Variants in GTPBP10 observed in about 807,000 individuals in gnomAD.
GTPBP10 encodes GTP binding protein 10.
GTPBP10 carries 38 observed loss-of-function variants against 44.8 expected under a neutral mutation model. That is an observed-to-expected ratio of 0.85 (90% CI 0.65 to 1.11). The LOEUF is 1.11. GTPBP10 is among the 50% of genes most tolerant of loss of function. The pLI is 0.00. For missense variants in GTPBP10, 462 were observed against 453.7 expected, an observed-to-expected ratio of 1.02 and a Z score of -0.17; for synonymous variants, 152 against 150.6, an observed-to-expected ratio of 1.01 and a Z score of -0.07.
chr7:90,354,789 T>C (rs1795862475), intron 3 of GTPBP10, among the ~76,000 whole-genome samples: 1 of 152,172 alleles, frequency 6.6e-6, no homozygotes, highest in South Asian at 2.1e-4. Context: ...TTCAATTGTT[T>C]ACTGAAGTGT....
chr7:90,366,142 G>A (rs959365835), intron 4 of GTPBP10, among the ~76,000 whole-genome samples: 1 of 152,152 alleles, frequency 6.6e-6, no homozygotes, highest in East Asian at 1.9e-4. Flanking sequence ...TAAGCTTTTT[G>A]ATGTGCTGCT....
intron 4 of GTPBP10, among the ~76,000 whole-genome samples, chr7:90,358,915 G>A (rs780053655): frequency 2.0e-5 from 3 of 151,976 alleles, no homozygotes; most frequent in Non-Finnish European, 2.9e-5. Context: ...AAACAATTCC[G>A]TTAAAAAGTG....
At chr7:90,383,601 T>A (rs1796469897) in intron 9 of GTPBP10, 1 of 152,228 alleles carries the variant, frequency 6.6e-6, no homozygotes, top group African/African-American at 2.4e-5. Context: ...TAATAGAAGC[T>A]GTGACTCCAA....
In GTPBP10 at chr7:90,387,076, C is replaced by T. The variant is rs1314103373; in HGVS notation, c.*1922C>T. ...TCAGGCCAGGCACGGTGGGTCACGC[C>T]TGTTAATCTCAGCACTTTGGGAGGC... On this transcript the variant is annotated 3_prime_UTR_variant, in exon 10 of 10. Transcript: ENST00000222511. The T allele has an allele frequency of 2.0e-5, 3 of 152,070 alleles. No individual in the cohort carries two copies. The highest frequency in any genetic ancestry group is 7.2e-5 in the African/African-American group (3 of 41,396). 9.4% of individuals were successfully genotyped at this position (152,070 alleles called of 1,614,324 possible).
intron 4 of GTPBP10, among the ~76,000 whole-genome samples, chr7:90,360,828 G>A (rs1489997797): frequency 6.6e-6 from 1 of 152,124 alleles, no homozygotes; most frequent in Non-Finnish European, 1.5e-5. Context: ...GCAGTGGTTT[G>A]TGGTTCTTGA....
chr7:90,380,372 C>G (rs1445447847), intron 8 of GTPBP10, among the ~76,000 whole-genome samples: 2 of 152,104 alleles, frequency 1.3e-5, no homozygotes, highest in Non-Finnish European at 2.9e-5. Context: ...GCCACCATGC[C>G]CAGCTGGAAA....
intron 1 of GTPBP10, among the ~76,000 whole-genome samples, chr7:90,350,573 T>G (rs1795772089): frequency 6.6e-6 from 1 of 152,212 alleles, no homozygotes; most frequent in South Asian, 2.1e-4. Flanking sequence ...TCCTTTTGCT[T>G]TTAAGTTGTC....
At chr7:90,363,942 G>C (rs146630345) in intron 4 of GTPBP10, among the ~76,000 whole-genome samples, 69 of 152,292 alleles carry the variant, frequency 4.5e-4, no homozygotes, top group Non-Finnish European at 6.5e-4. Context: ...ACTGAAGCTT[G>C]TGCATTCGTC....
rs975501262 is a variant in GTPBP10 at position 90,346,873 on chromosome 7, T to C, written c.33+99T>C. The C allele has an allele frequency of 5.1e-6, 7 of 1,365,116 alleles. No homozygotes were observed. The African/African-American group carries it at 8.6e-5, about 17-fold the overall frequency. The allele number at this position is 1,365,116 out of a possible 1,614,324, so 84.6% of individuals were successfully genotyped here. A position where few individuals can be genotyped will look rare whatever the true frequency, so the allele number is the denominator to read the frequency against. ...CACTACTGTCTTCGTGGCGGCCTTT[T>C]CCTTGCTTGGTTTTCCCATAGACTT... On this transcript the variant is annotated intron_variant, in intron 1 of 9. Coordinates refer to ENST00000222511, the MANE Select transcript of GTPBP10 (RefSeq NM_033107.4).
Position 90,352,979 on chromosome 7 carries a change from G to T in GTPBP10, c.197G>T (p.Arg66Leu), listed in dbSNP as rs1562953330. The change falls in exon 2 of 10, where the codon CGG becomes CTG. Residue 66 changes from arginine to leucine, a missense_variant. Physicochemically the swap from Arg to Leu is moderately radical, Grantham distance 102. Transcript: ENST00000222511. ...CTTAAAGACAGGTATCCTCGGAAAC[G>T]GTTTGTGGCTGGAGTAGGAGCAAAC... is the stretch of plus-strand genomic sequence containing the variant. The part of the protein sequence containing the change: ...KQLKDRYPRK[R>L]FVAGVGANSK... 1 of 1,607,624 alleles carries T rather than the reference G, an allele frequency of 6.2e-7. No individual in the cohort carries two copies. The highest frequency in any genetic ancestry group is 1.3e-5 in the African/African-American group (1 of 74,756).
At chr7:90,364,892 A>G (rs892248435) in intron 4 of GTPBP10, among the ~76,000 whole-genome samples, 3 of 152,176 alleles carry the variant, frequency 2.0e-5, no homozygotes, top group Non-Finnish European at 4.4e-5. Context: ...TGTGCTAGCA[A>G]TGAGTGAAGC....
intron 4 of GTPBP10, among the ~76,000 whole-genome samples, chr7:90,362,901 C>T (rs989171716): frequency 1.1e-4 from 17 of 152,064 alleles, no homozygotes; most frequent in African/African-American, 4.1e-4. Flanking sequence ...CCTTCTTTGT[C>T]TCTTTTGATC....
At position 90,372,235 on chromosome 7, in the gene GTPBP10, G is replaced by A. The variant is rs1439822350; in HGVS notation, c.538+7G>A. 6.4e-7 allele frequency: 1 copy of A among 1,561,448 alleles called. No homozygotes were observed. Among genetic ancestry groups the A allele is most frequent in the Non-Finnish European group, 8.8e-7 (1 of 1,138,132 alleles). ...GCAATTGCAGATTACGCATGTAAGT[G>A]TAATTTGATTGTACATTTTAATGAG... On this transcript the variant is annotated splice_region_variant and intron_variant, in intron 5 of 9. Transcript: ENST00000222511.
At chr7:90,352,025 G>C (rs1795800138) in intron 1 of GTPBP10, among the ~76,000 whole-genome samples, 1 of 152,108 alleles carries the variant, frequency 6.6e-6, no homozygotes, top group African/African-American at 2.4e-5. Flanking sequence ...CATGGTTTTT[G>C]AGTAAAGGAG....
Position 90,377,647 on chromosome 7 carries a change from A to G in GTPBP10, c.699+33A>G, listed in dbSNP as rs1260322680. 2.2e-6 allele frequency: 3 copies of G among 1,351,686 alleles called. No individual in the cohort carries two copies. The East Asian group carries it at 7.1e-5, about 32-fold the overall frequency. 83.7% of individuals were successfully genotyped at this position (1,351,686 alleles called of 1,614,324 possible). On this transcript the variant is annotated intron_variant, in intron 7 of 9. Coordinates refer to ENST00000222511, the MANE Select transcript of GTPBP10 (RefSeq NM_033107.4). ...ATATGTATACTAATGTGATATTCAA[A>G]TAAATTGAAAACCAGTGAATTTAGT...
intron 6 of GTPBP10, among the ~76,000 whole-genome samples, chr7:90,376,073 A>AG (rs1161671719): frequency 6.6e-6 from 1 of 150,974 alleles, no homozygotes; most frequent in Non-Finnish European, 1.5e-5. Flanking sequence ...AAAAATACAA[A>AG]AAAAAAAAAA....
At chr7:90,362,997 C>G (rs1231298024) in intron 4 of GTPBP10, among the ~76,000 whole-genome samples, 1 of 152,076 alleles carries the variant, frequency 6.6e-6, no homozygotes, top group Non-Finnish European at 1.5e-5. Flanking sequence ...ATAAATCTTC[C>G]TCTATCCCTT....
At chr7:90,347,211 C>A (rs1795694571) in intron 1 of GTPBP10, among the ~76,000 whole-genome samples, 1 of 152,008 alleles carries the variant, frequency 6.6e-6, no homozygotes, top group Non-Finnish European at 1.5e-5. Context: ...ACATTTAGGT[C>A]GATTTTTGTG....
chr7:90,369,116 C>T (rs909119687), intron 4 of GTPBP10, among the ~76,000 whole-genome samples: 1 of 152,190 alleles, frequency 6.6e-6, no homozygotes, highest in African/African-American at 2.4e-5. Flanking sequence ...TAGGAATCAC[C>T]AGCGGAGGCT....
Sources: gnomAD v4.1 joint callset for allele counts (sites outside exome capture counted in the v4.1 genomes callset) on GRCh38, gnomAD v4.1.1 for gene constraint, MANE v1.5 for transcripts, NCBI Gene and HGNC (gene_info 2026-07-23, HGNC 2026-07-21) for gene names.